SLC18A1: variants seen among roughly 807,000 people sequenced by gnomAD.
SLC18A1 encodes the protein solute carrier family 18 member A1.
In SLC18A1, 69 loss-of-function variants were observed where a neutral mutation model predicts 53.7. The observed-to-expected ratio is 1.28, with a 90% CI of 1.06 to 1.57. SLC18A1 has a LOEUF of 1.57. Among genes scored for constraint, SLC18A1 ranks in the 40% most tolerant of loss-of-function variants. The pLI is 0.00. For synonymous variants in SLC18A1, 320 were observed against 248.1 expected (o/e 1.29, Z -2.72); for missense variants, 932 against 668.1 (o/e 1.40, Z -4.35).
chr8:20,163,299 A>T (rs2071875503), intron 10 of SLC18A1, among the ~76,000 whole-genome samples: 1 of 152,238 alleles, frequency 6.6e-6, no homozygotes, highest in Non-Finnish European at 1.5e-5. Context: ...TCATCTCTCA[A>T]AGGTCCCACT....
chr8:20,178,979 T>A, intron 3 of SLC18A1, 142 bp downstream of exon 3: 1 of 949,898 alleles, frequency 1.1e-6, no homozygotes, highest in Non-Finnish European at 1.6e-6. Flanking sequence ...ATTCTTTGAG[T>A]AACGAGCTTT....
chr8:20,149,419 C>G (rs1373016209), intron 12 of SLC18A1, among the ~76,000 whole-genome samples: 1 of 152,094 alleles, frequency 6.6e-6, no homozygotes, highest in Non-Finnish European at 1.5e-5. Context: ...TCTTCCTCTC[C>G]TTTCCCACTT....
intron 8 of SLC18A1, among the ~76,000 whole-genome samples, chr8:20,166,272 T>C (rs2071954903): frequency 8.7e-6 from 1 of 115,588 alleles, no homozygotes; most frequent in South Asian, 2.8e-4. Flanking sequence ...CAAAATTGTG[T>C]GTGGGTGTGT....
intron 10 of SLC18A1, among the ~76,000 whole-genome samples, chr8:20,157,790 G>T (rs1383864324): frequency 6.6e-6 from 1 of 152,158 alleles, no homozygotes; most frequent in Non-Finnish European, 1.5e-5. Flanking sequence ...AGGAGGAGCA[G>T]GTGGAATGGG....
intron 10 of SLC18A1, among the ~76,000 whole-genome samples, chr8:20,152,892 T>C (rs1484746031): frequency 2.6e-5 from 4 of 151,992 alleles, no homozygotes; most frequent in African/African-American, 4.8e-5. Flanking sequence ...CAACCATAAT[T>C]AAAGAGAAGA....
rs760445417 is a variant in SLC18A1, at chr8:20,145,876, C to T, written c.1465G>A (p.Ala489Thr). The T allele has an allele frequency of 1.9e-6, 3 of 1,582,230 alleles. No homozygotes were observed. The highest frequency in any genetic ancestry group is 4.5e-5 in the East Asian group (2 of 44,276). ...ATGGGGCAGTCCTGACTCAGAATAG[C>T]CTGCAGAGAGAGGCAAGAAGAGAAG... is the stretch of plus-strand genomic sequence containing the variant. ...RSPPAKEEKL[A>T]ILSQDCPMET... The change falls in exon 16 of 16, where the codon GCT becomes ACT. Residue 489 changes from alanine to threonine, a missense_variant and splice_region_variant. Ala to Thr is a moderately conservative substitution (Grantham distance 58). Transcript: ENST00000276373.
At chr8:20,162,771 A>G (rs576882487) in intron 10 of SLC18A1, among the ~76,000 whole-genome samples, 3 of 152,280 alleles carry the variant, frequency 2.0e-5, no homozygotes, top group African/African-American at 7.2e-5. Flanking sequence ...CTCTTAACCA[A>G]TGTCTAAAAA....
chr8:20,176,499 G>C (rs776510554), intron 4 of SLC18A1, among the ~76,000 whole-genome samples: 11 of 152,152 alleles, frequency 7.2e-5, no homozygotes, highest in Non-Finnish European at 1.5e-4. Context: ...CAAACCAGGA[G>C]AGTTGGTCAT....
In SLC18A1 at chr8:20,145,279, T is replaced by C. The variant is rs1018770818; in HGVS notation, c.*484A>G. On this transcript the variant is annotated 3_prime_UTR_variant, in exon 16 of 16. Transcript: ENST00000276373. ...AAGCTGGCATTTGGCAGCAAGACAA[T>C]GCTGAGAACATTTTCTCAACTCGGC... The C allele has an allele frequency of 1.3e-5, 2 of 150,884 alleles. No individual in the cohort carries two copies. The highest frequency in any genetic ancestry group is 3.9e-4 in the East Asian group (2 of 5,150). 9.3% of individuals were successfully genotyped at this position (150,884 alleles called of 1,614,324 possible).
In SLC18A1 at chr8:20,181,102, A is replaced by C. The variant is rs772052055; in HGVS notation, c.-123-15T>G. The C allele has an allele frequency of 1.0e-6, 1 of 977,328 alleles. No homozygotes were observed. The highest frequency in any genetic ancestry group is 1.5e-6 in the Non-Finnish European group (1 of 685,294). The allele number at this position is 977,328 out of a possible 1,614,324, so 60.5% of individuals were successfully genotyped here. A position where few individuals can be genotyped will look rare whatever the true frequency, so the allele number is the denominator to read the frequency against. On this transcript the variant is annotated splice_polypyrimidine_tract_variant and intron_variant, in intron 1 of 15. Transcript: ENST00000276373. ...AAGGAAACTCACTATTAAAACGAAA[A>C]GTGCAAAGGGTTGCAAGTAGTAGGA...
At chr8:20,169,967 A>G (rs928890880) in intron 8 of SLC18A1, among the ~76,000 whole-genome samples, 1 of 152,204 alleles carries the variant, frequency 6.6e-6, no homozygotes, top group African/African-American at 2.4e-5. Flanking sequence ...TGCACAGTTA[A>G]TAATAAACAG....
intron 3 of SLC18A1, 54 bp from the exon 4 acceptor site, chr8:20,178,547 A>C: frequency 1.5e-6 from 2 of 1,305,050 alleles, no homozygotes; most frequent in Non-Finnish European, 2.2e-6. Context: ...ACTCACATAC[A>C]TGGACTACAT....
chr8:20,156,451 A>C (rs2071684024), intron 10 of SLC18A1, among the ~76,000 whole-genome samples: 1 of 152,188 alleles, frequency 6.6e-6, no homozygotes, highest in Non-Finnish European at 1.5e-5. Context: ...CCTTAAGGAC[A>C]GGAAGATAGA....
In SLC18A1 at chr8:20,171,513, C is replaced by T. The variant is rs1375281719; in HGVS notation, c.725-19G>A. 6.3e-7 allele frequency: 1 copy of T among 1,592,562 alleles called. No homozygotes were observed. The highest frequency in any genetic ancestry group is 8.6e-7 in the Non-Finnish European group (1 of 1,160,528). ...GCTCCCACTGGAGAGGCATAGGAGACACAGATTCCAGAGGTGAGGGTGAGT... is the reference window on the plus strand; with the variant it reads ...GCTCCCACTGGAGAGGCATAGGAGATACAGATTCCAGAGGTGAGGGTGAGT... On this transcript the variant is annotated intron_variant, in intron 6 of 15. Coordinates refer to ENST00000276373, the MANE Select transcript of SLC18A1 (RefSeq NM_003053.4).
At chr8:20,161,317 G>C (rs2071824810) in intron 10 of SLC18A1, among the ~76,000 whole-genome samples, 1 of 151,652 alleles carries the variant, frequency 6.6e-6, no homozygotes, top group South Asian at 2.1e-4. Context: ...TCACATCCTT[G>C]GATTCAACTA....
chr8:20,147,215 G>C (rs2071422606), intron 15 of SLC18A1, 43 bp downstream of exon 15: 3 of 1,560,692 alleles, frequency 1.9e-6, no homozygotes, highest in Non-Finnish European at 2.6e-6. Flanking sequence ...ATGATGGAAA[G>C]AAACAGAAGT....
intron 2 of SLC18A1, 24 bp downstream of exon 2, chr8:20,180,817 C>T (rs761156058): frequency 3.1e-6 from 5 of 1,612,958 alleles, no homozygotes; most frequent in African/African-American, 2.7e-5. Context: ...AATTAACCCT[C>T]AGCACAAAGA....
rs753929757 is a variant in SLC18A1 at position 20,179,290 on chromosome 8, C to A, written c.319G>T (p.Ala107Ser). 1 of 1,614,050 alleles carries A rather than the reference C, an allele frequency of 6.2e-7. No homozygotes were observed. Among genetic ancestry groups the A allele is most frequent in the African/African-American group, 1.3e-5 (1 of 74,922 alleles). Reference protein sequence around the residue: ...PSGIAWMNDTASTIPPPATEA... With the variant: ...PSGIAWMNDTSSTIPPPATEA... The stretch of plus-strand genomic sequence containing the variant: ...GTGGCTGGAGGTGGGATGGTGCTGG[C>A]AGTGTCATTCATCCATGCTATTCCA... The change falls in exon 3 of 16, where the codon GCC becomes TCC. Residue 107 changes from alanine (A) to serine (S), a missense_variant. Physicochemically the swap from Ala to Ser is moderately conservative, Grantham distance 99 (BLOSUM62 1). Coordinates refer to ENST00000276373, the MANE Select transcript of SLC18A1 (RefSeq NM_003053.4).
chr8:20,163,900 T>G (rs1035587851), intron 10 of SLC18A1, among the ~76,000 whole-genome samples: 2 of 152,168 alleles, frequency 1.3e-5, no homozygotes, highest in African/African-American at 4.8e-5. Flanking sequence ...CTCTGTGTTG[T>G]AGCTGCTCAC....
Sources: allele counts gnomAD v4.1 joint callset (sites outside exome capture counted in the v4.1 genomes callset), GRCh38; gene constraint gnomAD v4.1.1; transcripts MANE v1.5; gene names NCBI Gene and HGNC (gene_info 2026-07-23, HGNC 2026-07-21).